The following DMD variants were observed in gnomAD, a reference collection of about 807,000 sequenced individuals.
DMD encodes mutant dystrophin.
A neutral mutation model predicts 330.1 loss-of-function variants in DMD; 63 were observed. That is an observed-to-expected ratio of 0.19 (90% CI 0.16 to 0.24). The LOEUF (loss-of-function observed/expected upper bound fraction) is 0.24, where lower values mean the gene tolerates loss of function less well. DMD is among the 10% of genes least tolerant of loss of function. The probability of loss-of-function intolerance (pLI) is 1.00; values close to 1 mark genes in which losing one functional copy is unlikely to be tolerated. For missense variants in DMD, 3,344 were observed against 2,684.1 expected (o/e 1.25, Z -5.43); for synonymous variants, 1,223 against 959.8 (o/e 1.27, Z -5.07).
chrX:32,808,153 C>G (rs1162339941), intron 7 of DMD, among the ~76,000 whole-genome samples: 1 of 111,303 alleles, frequency 9.0e-6, no homozygotes, highest in African/African-American at 3.3e-5. Context: ...TAGTTTCTCC[C>G]TTAGAGCTAA....
intron 21 of DMD, among the ~76,000 whole-genome samples, chrX:32,474,955 C>G (rs1484296604): frequency 9.0e-6 from 1 of 111,273 alleles, no homozygotes. Context: ...AAAGTTTTTT[C>G]CAATGTTATC....
intron 49 of DMD, among the ~76,000 whole-genome samples, chrX:31,826,106 CAT>C (rs952296603): frequency 1.8e-5 from 2 of 111,911 alleles, no homozygotes; most frequent in Non-Finnish European, 3.8e-5. Flanking sequence ...TAGAAAATAA[CAT>C]GTTTGTACAT....
At chrX:31,244,052 C>G in intron 63 of DMD, among the ~76,000 whole-genome samples, 1 of 112,289 alleles carries the variant, frequency 8.9e-6, no homozygotes, top group Non-Finnish European at 1.9e-5. Flanking sequence ...GAAGATAAAA[C>G]AGTCTGCTAG....
Position 31,367,148 on chromosome X carries a change from C to T in DMD, c.9085-18514G>A, listed in dbSNP as rs574829936. On this transcript the variant is annotated intron_variant, in intron 60 of 78. Coordinates refer to ENST00000357033, the MANE Select transcript of DMD (RefSeq NM_004006.3). ...TGTAGAACGGTATTCCATTCTGGGGCTCATTGGATAAGTATGAGTTCAACC... is the reference window on the plus strand; with the variant it reads ...TGTAGAACGGTATTCCATTCTGGGGTTCATTGGATAAGTATGAGTTCAACC... Among the ~76,000 whole-genome samples the T allele has an allele frequency of 5.4e-5, 6 of 111,067 alleles. No individual in the cohort carries two copies. In the South Asian group the frequency reaches 2.3e-3, roughly 42 times the overall value.
chrX:31,324,853 C>T (rs1165184187), intron 61 of DMD, among the ~76,000 whole-genome samples: 1 of 112,026 alleles, frequency 8.9e-6, no homozygotes, highest in African/African-American at 3.2e-5. Context: ...GAAAGAACAG[C>T]TTCTAATAAA....
intron 2 of DMD, among the ~76,000 whole-genome samples, chrX:32,932,936 A>G (rs780324578): frequency 6.3e-5 from 7 of 111,964 alleles, no homozygotes; most frequent in African/African-American, 2.3e-4. Context: ...GAATAACTAT[A>G]TATTTTTTTT....
intron 44 of DMD, among the ~76,000 whole-genome samples, chrX:32,037,374 C>T (rs978474293): frequency 1.8e-5 from 2 of 111,745 alleles, no homozygotes; most frequent in East Asian, 2.8e-4. Flanking sequence ...TAAAAACTAG[C>T]GTGCTTTATT....
At chrX:32,938,314 G>A (rs914628010) in intron 2 of DMD, among the ~76,000 whole-genome samples, 3 of 111,668 alleles carry the variant, frequency 2.7e-5, no homozygotes, top group Non-Finnish European at 5.6e-5. Flanking sequence ...AAAAATATGA[G>A]CAGTTCATAA....
At chrX:32,211,417 T>A (rs892702247) in intron 44 of DMD, among the ~76,000 whole-genome samples, 8 of 112,206 alleles carry the variant, frequency 7.1e-5, no homozygotes, top group African/African-American at 2.3e-4. Flanking sequence ...TAAACAGTTT[T>A]TTATTACATT....
At chrX:32,944,886 G>T (rs12394955) in intron 2 of DMD, among the ~76,000 whole-genome samples, 7,875 of 110,747 alleles carry the variant, frequency 0.071, 275 homozygotes, top group African/African-American at 0.12. Flanking sequence ...GATTACAGGC[G>T]TGAGACACCG....
intron 9 of DMD, among the ~76,000 whole-genome samples, chrX:32,672,269 A>G (rs1280062603): frequency 1.8e-5 from 2 of 111,096 alleles, no homozygotes. Context: ...TCCAACTGAA[A>G]TGTACAGAAC....
intron 60 of DMD, among the ~76,000 whole-genome samples, chrX:31,352,688 GAGA>G (rs1459837576): frequency 1.8e-5 from 2 of 112,095 alleles, no homozygotes; most frequent in Non-Finnish European, 3.8e-5. Flanking sequence ...GTATGACAGC[GAGA>G]AGAATTAAGC....
chrX:32,070,754 C>T (rs1167765778), intron 44 of DMD, among the ~76,000 whole-genome samples: 3 of 110,887 alleles, frequency 2.7e-5, no homozygotes, highest in Non-Finnish European at 5.7e-5. Context: ...CTCACTGATA[C>T]GTGGGAGCTA....
intron 2 of DMD, among the ~76,000 whole-genome samples, chrX:33,018,085 G>T (rs935283587): frequency 6.2e-5 from 7 of 112,240 alleles, no homozygotes; most frequent in African/African-American, 1.9e-4. Flanking sequence ...AGAGGAAAAA[G>T]ATTCTTTGCA....
intron 1 of DMD, among the ~76,000 whole-genome samples, chrX:33,045,349 G>C (rs190775312): frequency 9.0e-5 from 3 of 33,308 alleles, no homozygotes; most frequent in African/African-American, 2.9e-4. Context: ...CAAGTATTTC[G>C]TGAGATTGTA....
chrX:32,847,955 C>G (rs1315963971), intron 3 of DMD, among the ~76,000 whole-genome samples: 3 of 112,006 alleles, frequency 2.7e-5, no homozygotes, highest in Admixed American at 9.5e-5. Flanking sequence ...AAAGGCTTAT[C>G]TCATATCTGA....
intron 17 of DMD, among the ~76,000 whole-genome samples, chrX:32,538,248 AAAG>A (rs1371127243): frequency 1.8e-5 from 2 of 111,955 alleles, no homozygotes; most frequent in African/African-American, 6.5e-5. Flanking sequence ...AAGAATCACA[AAAG>A]AAGTGAAAAT....
chrX:32,905,219 G>T (rs2086636430), intron 2 of DMD, among the ~76,000 whole-genome samples: 1 of 111,689 alleles, frequency 9.0e-6, no homozygotes, highest in African/African-American at 3.2e-5. Context: ...GCATTTTTTA[G>T]ATAATTTCAT....
intron 50 of DMD, among the ~76,000 whole-genome samples, chrX:31,775,532 A>G (rs1240000534): frequency 9.0e-6 from 1 of 111,468 alleles, no homozygotes. Context: ...AATCAAGTTT[A>G]TAGACAACAG....
Sources: gnomAD v4.1 joint callset for allele counts (sites outside exome capture counted in the v4.1 genomes callset) on GRCh38, gnomAD v4.1.1 for gene constraint, MANE v1.5 for transcripts, NCBI Gene and HGNC (gene_info 2026-07-23, HGNC 2026-07-21) for gene names.